The following CPLANE1 variants were observed in gnomAD, a reference collection of about 807,000 sequenced individuals.
CPLANE1 encodes the protein ciliogenesis and planar polarity effector 1.
In CPLANE1, 263 loss-of-function variants were observed where a neutral mutation model predicts 362.5. The observed-to-expected ratio is 0.73, with a 90% CI of 0.66 to 0.80. The LOEUF (loss-of-function observed/expected upper bound fraction) is 0.80, where lower values mean the gene tolerates loss of function less well. Among genes scored for constraint, CPLANE1 ranks in the 30% least tolerant of loss-of-function variants. The probability of loss-of-function intolerance (pLI) is 0.00; values close to 1 mark genes in which losing one functional copy is unlikely to be tolerated. For missense variants in CPLANE1, 3,461 were observed against 3,793.4 expected, an observed-to-expected ratio of 0.91 and a Z score of 2.30; for synonymous variants, 1,212 against 1,302.6, an observed-to-expected ratio of 0.93 and a Z score of 1.50.
intron 25 of CPLANE1, 56 bp from the exon 26 acceptor site, chr5:37,183,755 G>C (rs1783264242): frequency 8.1e-7 from 1 of 1,229,528 alleles, no homozygotes; most frequent in Admixed American, 2.6e-5. Flanking sequence ...CACTAAAACT[G>C]ATCTTAGAAT....
chr5:37,211,648 C>T lies in CPLANE1; in HGVS notation c.2920+1911G>A, dbSNP rs940647983. ...GAAGGTCTGGGCAGATCACACATTG[C>T]TTCCCCCAGTCCTTATCCTGACAGA... On this transcript the variant is annotated intron_variant, in intron 16 of 52. Coordinates refer to ENST00000651892, the MANE Select transcript of CPLANE1 (RefSeq NM_001384732.1). 34 of 808,150 alleles carry T rather than the reference C, an allele frequency of 4.2e-5. No homozygotes were observed. The Admixed American group carries it at 5.6e-4, about 13-fold the overall frequency. The allele number at this position is 808,150 out of a possible 1,614,324, so 50.1% of individuals were successfully genotyped here.
chr5:37,153,596 G>A (rs1236596017), intron 42 of CPLANE1, 144 bp downstream of exon 42: 3 of 773,584 alleles, frequency 3.9e-6, no homozygotes, highest in Non-Finnish European at 2.0e-6. Flanking sequence ...TGGCTCAAAT[G>A]TCAATAGTGC....
the CPLANE1 span, among the ~76,000 whole-genome samples, chr5:37,079,585 A>G: frequency 2.6e-5 from 4 of 152,262 alleles, no homozygotes; most frequent in East Asian, 7.7e-4. Context: ...TTTCCAAACC[A>G]ATCTTACCTA....
the CPLANE1 span, among the ~76,000 whole-genome samples, chr5:37,081,991 G>A: frequency 6.6e-6 from 1 of 151,792 alleles, no homozygotes; most frequent in Non-Finnish European, 1.5e-5. Flanking sequence ...AAAAAAATGA[G>A]CAGGGCGTGG....
intron 9 of CPLANE1, among the ~76,000 whole-genome samples, chr5:37,229,183 C>T (rs1797130960): frequency 6.7e-6 from 1 of 149,270 alleles, no homozygotes; most frequent in Non-Finnish European, 1.5e-5. Context: ...CACCACTACA[C>T]TCCAGCCTTG....
At chr5:37,083,129 G>A in the CPLANE1 span, among the ~76,000 whole-genome samples, 1 of 152,134 alleles carries the variant, frequency 6.6e-6, no homozygotes, top group African/African-American at 2.4e-5. Context: ...CCCCAGTACC[G>A]GCCTGGAGCC....
At chr5:37,245,905 C>G in intron 2 of CPLANE1, 60 bp from the exon 3 acceptor site, 1 of 1,382,660 alleles carries the variant, frequency 7.2e-7, no homozygotes, top group Non-Finnish European at 9.5e-7. Context: ...AACTTACTGC[C>G]TAAATAAATT....
At chr5:37,142,722 A>G (rs1770158461) in intron 43 of CPLANE1, 1 of 281,240 alleles carries the variant, frequency 3.6e-6, no homozygotes, top group Admixed American at 5.2e-5. Context: ...CCCTTTCATA[A>G]AAACATAGAC....
intron 8 of CPLANE1, among the ~76,000 whole-genome samples, chr5:37,232,274 T>C (rs573391591): frequency 9.2e-4 from 140 of 152,054 alleles, no homozygotes; most frequent in Non-Finnish European, 1.6e-3. Flanking sequence ...TCCCAACACT[T>C]TGGGAGGCCG....
intron 7 of CPLANE1, 133 bp downstream of exon 7, chr5:37,239,580 C>CAAAAAAAAAAAAAAAAAAAACCAAAA (rs1799859073): frequency 7.0e-6 from 2 of 287,384 alleles, no homozygotes; most frequent in Non-Finnish European, 1.1e-5. Flanking sequence ...GAGACCCTGT[C>CAAAAAAAAAAAAAAAAAAAACCAAAA]AAAAAAAAAA....
At chr5:37,116,052 C>T (rs563408284) in intron 50 of CPLANE1, among the ~76,000 whole-genome samples, 1 of 151,828 alleles carries the variant, frequency 6.6e-6, no homozygotes, top group Non-Finnish European at 1.5e-5. Context: ...TTTGGGAGGC[C>T]AACATGGGAA....
chr5:37,115,097 T>G (rs1415750476), intron 50 of CPLANE1, 48 bp from the exon 51 acceptor site: 1 of 1,178,200 alleles, frequency 8.5e-7, no homozygotes, highest in South Asian at 1.3e-5. Context: ...CATCCATGAT[T>G]TTTATATATA....
chr5:37,089,634 C>A, the CPLANE1 span, among the ~76,000 whole-genome samples: 1 of 152,124 alleles, frequency 6.6e-6, no homozygotes, highest in Non-Finnish European at 1.5e-5. Context: ...CAATTTGCAA[C>A]CTATGGGACC....
At chr5:37,138,233 C>T (rs1267804591) in intron 46 of CPLANE1, among the ~76,000 whole-genome samples, 1 of 152,090 alleles carries the variant, frequency 6.6e-6, no homozygotes, top group African/African-American at 2.4e-5. Context: ...ATGTTGTATG[C>T]TTATATATTT....
chr5:37,190,182 A>T (rs186804870), intron 21 of CPLANE1, among the ~76,000 whole-genome samples: 1 of 152,318 alleles, frequency 6.6e-6, no homozygotes, highest in Admixed American at 6.5e-5. Flanking sequence ...AACTGAAACC[A>T]GAATAGAACG....
intron 46 of CPLANE1, among the ~76,000 whole-genome samples, chr5:37,135,864 C>T (rs1767556840): frequency 6.6e-6 from 1 of 151,810 alleles, no homozygotes; most frequent in South Asian, 2.1e-4. Flanking sequence ...CAACAGATCT[C>T]GTGAAATAGT....
intron 32 of CPLANE1, among the ~76,000 whole-genome samples, chr5:37,171,782 C>CTCTATCTA (rs1356896118): frequency 6.9e-6 from 1 of 144,484 alleles, no homozygotes; most frequent in Non-Finnish European, 1.5e-5. Context: ...CTCTCTCTCT[C>CTCTATCTA]TCTATCTATC....
At chr5:37,210,888 A>G (rs1792410517) in intron 16 of CPLANE1, 2 of 785,426 alleles carry the variant, frequency 2.5e-6, no homozygotes, top group Admixed American at 1.7e-5. Flanking sequence ...AGCTCTGCAC[A>G]AACAACTGCA....
chr5:37,098,031 A>G, the CPLANE1 span, among the ~76,000 whole-genome samples: 1 of 152,190 alleles, frequency 6.6e-6, no homozygotes, highest in African/African-American at 2.4e-5. Flanking sequence ...CCAGATATAT[A>G]AAGCAAACAT....
Sources: allele counts gnomAD v4.1 joint callset (sites outside exome capture counted in the v4.1 genomes callset), GRCh38; gene constraint gnomAD v4.1.1; transcripts MANE v1.5; gene names NCBI Gene and HGNC (gene_info 2026-07-23, HGNC 2026-07-21).